PABPC1L: variants seen among roughly 807,000 people sequenced by gnomAD.
PABPC1L encodes the protein polyadenylate-binding protein 1-like.
PABPC1L carries 31 observed loss-of-function variants against 66.6 expected under a neutral mutation model. That is an observed-to-expected ratio of 0.47 (90% CI 0.35 to 0.63). The LOEUF (loss-of-function observed/expected upper bound fraction) is 0.63. Among genes scored for constraint, PABPC1L ranks in the 20% least tolerant of loss-of-function variants. The pLI, the probability that PABPC1L is intolerant of heterozygous loss-of-function variation, is 0.00. For synonymous variants in PABPC1L, 348 were observed against 335.1 expected (o/e 1.04, Z -0.42); for missense variants, 722 against 848.8 (o/e 0.85, Z 1.86).
Position 44,914,045 on chromosome 20 carries a change from C to T in PABPC1L, c.387+1192C>T, listed in dbSNP as rs578096496. On this transcript the variant is annotated intron_variant, in intron 2 of 14. Coordinates refer to ENST00000217073, the MANE Select transcript of PABPC1L (RefSeq NM_001372179.1). Reference sequence around the variant, plus strand: ...TTTATATGAGGATGTTGAGGATCAGCGGCCATATAGCAGGTCAGTATGTCT... The same window carrying T: ...TTTATATGAGGATGTTGAGGATCAGTGGCCATATAGCAGGTCAGTATGTCT... 1.4e-3 allele frequency among the ~76,000 whole-genome samples: 208 copies of T among 152,172 alleles called. 3 individuals carry two copies. Among genetic ancestry groups the T allele is most frequent in the Admixed American group, 0.013 (201 of 15,288 alleles).
chr20:44,910,602 C>A lies in PABPC1L; in HGVS notation c.193+266C>A, dbSNP rs370999591. Among the ~76,000 whole-genome samples, 27 of 151,636 alleles carry A rather than the reference C, an allele frequency of 1.8e-4. No individual in the cohort carries two copies. The East Asian group carries it at 4.5e-3, about 25-fold the overall frequency. On this transcript the variant is annotated intron_variant, in intron 1 of 14. Transcript: ENST00000217073. Reference sequence around the variant, plus strand: ...GCTTTGTGGGGGTGGGGGTGGGGGTCAGGCGGACCAGGGATAGAAGCCCAG... The same window carrying A: ...GCTTTGTGGGGGTGGGGGTGGGGGTAAGGCGGACCAGGGATAGAAGCCCAG...
rs182366325 is a variant in PABPC1L, at chr20:44,932,949, C to A, written c.1331-108C>A. On this transcript the variant is annotated intron_variant, in intron 9 of 14. Coordinates refer to ENST00000217073, the MANE Select transcript of PABPC1L (RefSeq NM_001372179.1). ...TTCTGTTGTGAATGTTGTAGTTTCC[C>A]TTCCCATTCTCTTGGTGGCCCTGGA... is the stretch of plus-strand genomic sequence containing the variant. The A allele has an allele frequency of 2.7e-5, 18 of 669,216 alleles. No homozygotes were observed. The African/African-American group carries it at 2.9e-4, about 11-fold the overall frequency. The allele number at this position is 669,216 out of a possible 1,614,324, so 41.5% of individuals were successfully genotyped here. A position where few individuals can be genotyped will look rare whatever the true frequency, so the allele number is the denominator to read the frequency against.
chr20:44,936,927 A>G (rs1398596984), intron 12 of PABPC1L, 197 bp downstream of exon 12: 1 of 674,560 alleles, frequency 1.5e-6, no homozygotes, highest in Non-Finnish European at 2.8e-6. Context: ...CGCTGGTCAG[A>G]CTGGATGGTC....
chr20:44,930,861 C>T, intron 8 of PABPC1L, 135 bp downstream of exon 8: 1 of 1,227,906 alleles, frequency 8.1e-7, no homozygotes. Context: ...GTCTTTGTTT[C>T]CCTCTCTATA....
In PABPC1L at chr20:44,915,799, CAAA is replaced by C. The variant is rs3091602; in HGVS notation, c.388-939_388-937del. On this transcript the variant is annotated intron_variant, in intron 2 of 14. Transcript: ENST00000217073. ...GGGCAACAAGAGTGAAACTCTATCT[CAAA>C]AAAAAAAAAAAAAAAAATTGAAATG... 3.7e-3 allele frequency among the ~76,000 whole-genome samples: 425 copies of C among 115,432 alleles called. 1 individual carries two copies. Among genetic ancestry groups the C allele is most frequent in the African/African-American group, 9.2e-3 (297 of 32,266 alleles). The allele number at this position is 115,432 out of a possible 152,430, so 75.7% of individuals were successfully genotyped here. A position where few individuals can be genotyped will look rare whatever the true frequency, so the allele number is the denominator to read the frequency against.
In PABPC1L at chr20:44,938,048, G is replaced by C. The variant is rs2066914979; in HGVS notation, c.1661-13G>C. The stretch of plus-strand genomic sequence containing the variant: ...TAGGCCGTGCACAAGCCATTAGAAG[G>C]TGTTCCACACAGGGGAGCGTCTCTA... On this transcript the variant is annotated splice_polypyrimidine_tract_variant and intron_variant, in intron 12 of 14. Transcript: ENST00000217073. The C allele has an allele frequency of 6.2e-7, 1 of 1,613,978 alleles. No individual in the cohort carries two copies. Among genetic ancestry groups the C allele is most frequent in the South Asian group, 1.1e-5 (1 of 91,082 alleles).
At chr20:44,912,520 C>T in intron 1 of PABPC1L, 140 bp from the exon 2 acceptor site, 1 of 685,990 alleles carries the variant, frequency 1.5e-6, no homozygotes, top group Non-Finnish European at 2.4e-6. Context: ...GTTATTTGGG[C>T]TCTTATCTTG....
chr20:44,928,160 C>T (rs2066823767), intron 7 of PABPC1L, among the ~76,000 whole-genome samples: 3 of 152,208 alleles, frequency 2.0e-5, no homozygotes, highest in Non-Finnish European at 2.9e-5. Context: ...CCTCTGCCTC[C>T]CAGGTTCAAG....
At position 44,924,190 on chromosome 20, in the gene PABPC1L, C is replaced by T. The variant is rs1380845731; in HGVS notation, c.906C>T (p.Asp302=). 16 of 1,613,846 alleles carry T rather than the reference C, an allele frequency of 9.9e-6. No individual in the cohort carries two copies. Among genetic ancestry groups the T allele is most frequent in the African/African-American group, 2.7e-5 (2 of 74,882 alleles). Residue 302 remains aspartate (D), a synonymous_variant, in exon 7 of 15, where the codon GAC becomes GAT. Transcript: ENST00000217073. ...QGVNLYVKNL[D]DSIDDDKLRK... The stretch of plus-strand genomic sequence containing the variant: ...TGAACTTGTATGTGAAGAATCTGGA[C>T]GACTCCATTGATGACGACAAACTGA...
chr20:44,933,711 C>T (rs1385638452), intron 10 of PABPC1L, among the ~76,000 whole-genome samples: 2 of 148,982 alleles, frequency 1.3e-5, no homozygotes, highest in Non-Finnish European at 3.0e-5. Flanking sequence ...TCCCAAAGTG[C>T]TGAGATTACA....
In PABPC1L at chr20:44,925,577, G is replaced by T. The variant is rs375472801; in HGVS notation, c.972+1321G>T. ...ATCAGTGTGAGTGACAGGATGGGGGGACCCGCCTGAATGATGTGATGTTGG... is the reference window on the plus strand; with the variant it reads ...ATCAGTGTGAGTGACAGGATGGGGGTACCCGCCTGAATGATGTGATGTTGG... On this transcript the variant is annotated intron_variant, in intron 7 of 14. Coordinates refer to ENST00000217073, the MANE Select transcript of PABPC1L (RefSeq NM_001372179.1). 5.9e-5 allele frequency among the ~76,000 whole-genome samples: 9 copies of T among 152,278 alleles called. No homozygotes were observed. In the East Asian group the frequency reaches 7.7e-4, roughly 13 times the overall value.
At chr20:44,921,150 ATT>A (rs3092593) in intron 5 of PABPC1L, among the ~76,000 whole-genome samples, 93 of 135,552 alleles carry the variant, frequency 6.9e-4, no homozygotes, top group African/African-American at 8.1e-4. Flanking sequence ...CCCAGTCCGA[ATT>A]TTTTTTTTTT....
chr20:44,922,869 G>C (rs1484586105), intron 6 of PABPC1L, among the ~76,000 whole-genome samples: 1 of 152,180 alleles, frequency 6.6e-6, no homozygotes, highest in African/African-American at 2.4e-5. Flanking sequence ...CAGGGTAGAG[G>C]CCAGGGATGC....
chr20:44,918,216 C>T (rs61472258), intron 3 of PABPC1L, among the ~76,000 whole-genome samples: 1,836 of 152,256 alleles, frequency 0.012, 31 homozygotes, highest in African/African-American at 0.039. Flanking sequence ...ATCCCAGCTA[C>T]TTGGAAGGCT....
At chr20:44,915,504 T>TA (rs934393181) in intron 2 of PABPC1L, among the ~76,000 whole-genome samples, 2 of 151,928 alleles carry the variant, frequency 1.3e-5, no homozygotes, top group African/African-American at 2.4e-5. Flanking sequence ...TGTGCATCTT[T>TA]AAAAAAATTG....
intron 2 of PABPC1L, among the ~76,000 whole-genome samples, chr20:44,915,626 C>T (rs2066732758): frequency 6.6e-6 from 1 of 151,898 alleles, no homozygotes; most frequent in African/African-American, 2.4e-5. Context: ...GGTGAAACTC[C>T]ATCTCTACTA....
chr20:44,938,679 C>T lies in PABPC1L; in HGVS notation c.1797C>T (p.Asp599=), dbSNP rs199787074. 2.5e-6 allele frequency: 4 copies of T among 1,608,642 alleles called. No homozygotes were observed. Among genetic ancestry groups the T allele is most frequent in the Non-Finnish European group, 3.4e-6 (4 of 1,177,782 alleles). ...CCGCCACTCATGTCTCACAGATAGA[C>T]GAGGCAGTGGCCGTGCTGCAGGCAC... is the stretch of plus-strand genomic sequence containing the variant. The part of the protein sequence containing the change: ...ESPESLHAKI[D]EAVAVLQAHQ... The change falls in exon 14 of 15, where the codon GAC becomes GAT. Residue 599 remains aspartate, a synonymous_variant. Coordinates refer to ENST00000217073, the MANE Select transcript of PABPC1L (RefSeq NM_001372179.1).
intron 5 of PABPC1L, 34 bp from the exon 6 acceptor site, chr20:44,921,560 G>T (rs960243439): frequency 1.9e-6 from 3 of 1,611,328 alleles, no homozygotes; most frequent in Non-Finnish European, 2.5e-6. Flanking sequence ...ACATCTGAGT[G>T]GTTACCAAGC....
chr20:44,937,041 G>A, intron 12 of PABPC1L: 1 of 515,034 alleles, frequency 1.9e-6, no homozygotes, highest in South Asian at 1.5e-5. Flanking sequence ...TATGGTCTTG[G>A]GTTTCTGCTG....
Sources: allele counts gnomAD v4.1 joint callset (sites outside exome capture counted in the v4.1 genomes callset), GRCh38; gene constraint gnomAD v4.1.1; transcripts MANE v1.5; gene names NCBI Gene and HGNC (gene_info 2026-07-23, HGNC 2026-07-21).